Variants in NAV3 observed in about 807,000 individuals in gnomAD.
NAV3 encodes pore membrane and/or filament interacting like protein 1.
NAV3 carries 87 observed loss-of-function variants against 244.7 expected under a neutral mutation model. The ratio of observed to expected loss-of-function variants is 0.36; its 90% CI spans 0.30 to 0.42. The LOEUF (loss-of-function observed/expected upper bound fraction) is 0.42. NAV3 is among the 20% of genes least tolerant of loss of function. NAV3 has a pLI of 1.00. For missense variants in NAV3, 2,663 were observed against 2,893.3 expected (o/e 0.92, Z 1.83); for synonymous variants, 1,126 against 1,042.2 (o/e 1.08, Z -1.55).
At chr12:78,090,341 A>G (rs300486) in intron 12 of NAV3, among the ~76,000 whole-genome samples, 11,506 of 151,392 alleles carry the variant, frequency 0.076, 434 homozygotes, top group African/African-American at 0.084. Context: ...ATTGTGGATG[A>G]TATAATACTA....
chr12:77,851,040 G>A (rs1877439332), intron 1 of NAV3, among the ~76,000 whole-genome samples: 1 of 152,166 alleles, frequency 6.6e-6, no homozygotes, highest in Admixed American at 6.5e-5. Flanking sequence ...GCTGTCTCAA[G>A]CCATATCTAC....
intron 1 of NAV3, among the ~76,000 whole-genome samples, chr12:77,911,023 A>G (rs1220369715): frequency 6.6e-6 from 1 of 152,094 alleles, no homozygotes; most frequent in Non-Finnish European, 1.5e-5. Context: ...CTATCTTTTT[A>G]TACCTCAACC....
chr12:78,016,680 T>C (rs1876271323), intron 8 of NAV3, among the ~76,000 whole-genome samples: 1 of 152,202 alleles, frequency 6.6e-6, no homozygotes, highest in Non-Finnish European at 1.5e-5. Context: ...CATTAGTTAA[T>C]GTTTCTGACT....
chr12:77,708,114 C>T (rs1875920069), intron 2 of NAV3, among the ~76,000 whole-genome samples: 1 of 152,062 alleles, frequency 6.6e-6, no homozygotes, highest in Non-Finnish European at 1.5e-5. Flanking sequence ...TTTGGTGTTT[C>T]AGACATGAAG....
At chr12:77,642,030 A>G (rs1279016667) in intron 2 of NAV3, among the ~76,000 whole-genome samples, 2 of 152,070 alleles carry the variant, frequency 1.3e-5, no homozygotes, top group African/African-American at 4.8e-5. Context: ...GAAAAATTTG[A>G]GGGAAATAGT....
At chr12:78,075,401 C>A (rs1952994697) in intron 12 of NAV3, among the ~76,000 whole-genome samples, 1 of 152,004 alleles carries the variant, frequency 6.6e-6, no homozygotes, top group South Asian at 2.1e-4. Context: ...GAAAATCATA[C>A]TAAAACCGAC....
intron 2 of NAV3, among the ~76,000 whole-genome samples, chr12:77,803,997 T>C (rs892701109): frequency 6.6e-6 from 1 of 152,208 alleles, no homozygotes; most frequent in Non-Finnish European, 1.5e-5. Flanking sequence ...CTTGTAAATT[T>C]GTTTAAGTTC....
At chr12:77,590,638 C>G (rs1180041846) in intron 2 of NAV3, among the ~76,000 whole-genome samples, 1 of 152,164 alleles carries the variant, frequency 6.6e-6, no homozygotes, top group East Asian at 1.9e-4. Flanking sequence ...TGTAACAAAC[C>G]TGCACTTGTA....
At chr12:77,586,724 TAATC>T (rs1592477470) in intron 2 of NAV3, among the ~76,000 whole-genome samples, 2 of 152,214 alleles carry the variant, frequency 1.3e-5, no homozygotes, top group East Asian at 3.8e-4. Context: ...AGATTTAAAT[TAATC>T]AAAATTAAAT....
intron 30 of NAV3, among the ~76,000 whole-genome samples, chr12:78,184,670 T>G (rs1042335254): frequency 2.0e-5 from 3 of 151,844 alleles, no homozygotes; most frequent in Non-Finnish European, 4.4e-5. Flanking sequence ...ATTAGAGTGT[T>G]GATTTCTATG....
intron 2 of NAV3, among the ~76,000 whole-genome samples, chr12:77,603,541 G>C (rs810061): frequency 6.8e-6 from 1 of 147,394 alleles, no homozygotes; most frequent in South Asian, 2.2e-4. Flanking sequence ...AGACATTTTA[G>C]TACACTGGTA....
intron 14 of NAV3, 72 bp downstream of exon 14, chr12:78,118,369 T>A (rs2138581082): frequency 2.7e-6 from 4 of 1,503,380 alleles, no homozygotes; most frequent in Non-Finnish European, 3.6e-6. Context: ...CTTTGTTTTC[T>A]CTAACAATAG....
At chr12:77,863,428 A>G (rs1218226649) in intron 1 of NAV3, among the ~76,000 whole-genome samples, 3 of 151,812 alleles carry the variant, frequency 2.0e-5, no homozygotes, top group Non-Finnish European at 4.4e-5. Flanking sequence ...TATAGTCACT[A>G]TTTGATGGAC....
intron 2 of NAV3, among the ~76,000 whole-genome samples, chr12:77,599,788 A>C (rs11105857): frequency 0.17 from 26,252 of 151,874 alleles, 2,657 homozygotes; most frequent in Admixed American, 0.23. Flanking sequence ...CTATTATAAA[A>C]TACTGTGAGA....
intron 2 of NAV3, among the ~76,000 whole-genome samples, chr12:77,771,378 T>A (rs1182785490): frequency 6.6e-6 from 1 of 152,166 alleles, no homozygotes; most frequent in African/African-American, 2.4e-5. Context: ...GATCTAGAAC[T>A]GGAAATACCA....
intron 2 of NAV3, among the ~76,000 whole-genome samples, chr12:77,781,398 A>G (rs963640749): frequency 6.6e-6 from 1 of 152,174 alleles, no homozygotes; most frequent in African/African-American, 2.4e-5. Context: ...TCTGCATGAT[A>G]AAACCTTATA....
At chr12:77,573,881 A>G (rs1034929776) in intron 2 of NAV3, among the ~76,000 whole-genome samples, 2 of 152,114 alleles carry the variant, frequency 1.3e-5, no homozygotes, top group African/African-American at 4.8e-5. Context: ...GCAAACACCA[A>G]AGGAATTAAA....
At chr12:77,809,104 G>C (rs1872150409) in intron 2 of NAV3, among the ~76,000 whole-genome samples, 1 of 152,280 alleles carries the variant, frequency 6.6e-6, no homozygotes, top group South Asian at 2.1e-4. Context: ...TTACCTTGCT[G>C]GGCTCTGTGC....
chr12:77,734,820 G>C (rs1190794836), intron 2 of NAV3, among the ~76,000 whole-genome samples: 1 of 152,112 alleles, frequency 6.6e-6, no homozygotes, highest in Non-Finnish European at 1.5e-5. Flanking sequence ...ACCTTGACCA[G>C]TTTCTTTTAA....
Sources: gnomAD v4.1 joint callset for allele counts (sites outside exome capture counted in the v4.1 genomes callset) on GRCh38, gnomAD v4.1.1 for gene constraint, MANE v1.5 for transcripts, NCBI Gene and HGNC (gene_info 2026-07-23, HGNC 2026-07-21) for gene names.